Variants in OGFOD1 observed in about 807,000 individuals in gnomAD.
The protein encoded by OGFOD1 is 2-oxoglutarate and iron dependent oxygenase domain containing 1.
In OGFOD1, 54 loss-of-function variants were observed where a neutral mutation model predicts 67.7. The observed-to-expected ratio is 0.80, with a 90% confidence interval of 0.64 to 1.00. The LOEUF is 1.00. OGFOD1 is among the 50% of genes least tolerant of loss of function. The pLI is 0.00. For missense variants in OGFOD1, 606 were observed against 646.7 expected (o/e 0.94, Z 0.68); for synonymous variants, 221 against 227.0 (o/e 0.97, Z 0.24).
At chr16:56,452,193 G>T (rs1233795449) in intron 1 of OGFOD1, 1 of 161,952 alleles carries the variant, frequency 6.2e-6, no homozygotes, top group Non-Finnish European at 1.4e-5. Flanking sequence ...ATGCTTGCAG[G>T]CTTCAGTAAA....
At chr16:56,472,916 C>G (rs1473953592) in intron 10 of OGFOD1, among the ~76,000 whole-genome samples, 1 of 148,826 alleles carries the variant, frequency 6.7e-6, no homozygotes, top group African/African-American at 2.4e-5. Flanking sequence ...AGCAGTTTTG[C>G]TTTTTTTGTT....
Position 56,451,568 on chromosome 16 carries a change from G to A in OGFOD1, c.-45G>A, listed in dbSNP as rs1490685525. 1.2e-6 allele frequency: 2 copies of A among 1,606,578 alleles called. No homozygotes were observed. Among genetic ancestry groups the A allele is most frequent in the South Asian group, 2.2e-5 (2 of 90,834 alleles). On this transcript the variant is annotated 5_prime_UTR_variant, in exon 1 of 13. Coordinates refer to ENST00000566157, the MANE Select transcript of OGFOD1 (RefSeq NM_018233.4). Reference sequence around the variant, plus strand: ...CGGGAGTTGCAGTACCCTCAGGAAGGTAGCGTCTTGATCTGCGTGGCGTGG... The same window carrying A: ...CGGGAGTTGCAGTACCCTCAGGAAGATAGCGTCTTGATCTGCGTGGCGTGG...
At chr16:56,472,961 T>C (rs1165398421) in intron 10 of OGFOD1, among the ~76,000 whole-genome samples, 1 of 151,964 alleles carries the variant, frequency 6.6e-6, no homozygotes, top group Non-Finnish European at 1.5e-5. Context: ...AGACAGAGTC[T>C]CGCTCTGTTG....
chr16:56,474,535 G>T (rs1345917935), intron 10 of OGFOD1, among the ~76,000 whole-genome samples: 1 of 151,890 alleles, frequency 6.6e-6, no homozygotes, highest in African/African-American at 2.4e-5. Context: ...GGTCAGGCTG[G>T]TCTTGAACTC....
At position 56,454,931 on chromosome 16, in the gene OGFOD1, C is replaced by T. The variant is rs566863894; in HGVS notation, c.300+1523C>T. The T allele has an allele frequency of 2.3e-4, 51 of 217,664 alleles. No homozygotes were observed. In the South Asian group the frequency reaches 2.5e-3, roughly 11 times the overall value. 13.5% of individuals were successfully genotyped at this position (217,664 alleles called of 1,614,324 possible). A position where few individuals can be genotyped will look rare whatever the true frequency, so the allele number is the denominator to read the frequency against. On this transcript the variant is annotated intron_variant, in intron 2 of 12. Transcript: ENST00000566157. ...TAAACTGCTTTCCATGGTAAGGTTG[C>T]ACAGGTTAATTAAAAACCGCAGTTA...
At chr16:56,452,903 G>T (rs1417850158) in intron 1 of OGFOD1, among the ~76,000 whole-genome samples, 1 of 152,052 alleles carries the variant, frequency 6.6e-6, no homozygotes, top group African/African-American at 2.4e-5. Flanking sequence ...GACCAGTATT[G>T]CTACTCTCAT....
chr16:56,467,745 A>AGT, intron 7 of OGFOD1, among the ~76,000 whole-genome samples, 160 bp from the exon 8 acceptor site: 2 of 152,072 alleles, frequency 1.3e-5, no homozygotes, highest in Non-Finnish European at 2.9e-5. Flanking sequence ...TCTTAAGTAA[A>AGT]CTTTTGAGAG....
At chr16:56,456,670 C>T (rs1962533404) in intron 2 of OGFOD1, among the ~76,000 whole-genome samples, 1 of 152,218 alleles carries the variant, frequency 6.6e-6, no homozygotes, top group African/African-American at 2.4e-5. Context: ...CCTATTTTTA[C>T]TATACCTTTT....
chr16:56,454,658 A>C, intron 2 of OGFOD1: 1 of 345,666 alleles, frequency 2.9e-6, no homozygotes, highest in Non-Finnish European at 5.7e-6. Context: ...GGGGGGAAAA[A>C]AAAAAGAAAG....
At chr16:56,456,980 T>C (rs1421038007) in intron 2 of OGFOD1, among the ~76,000 whole-genome samples, 1 of 152,264 alleles carries the variant, frequency 6.6e-6, no homozygotes, top group Non-Finnish European at 1.5e-5. Flanking sequence ...AAGCTATCTG[T>C]GTCTCCCCGG....
Position 56,458,540 on chromosome 16 carries a change from T to C in OGFOD1, c.301-8T>C, listed in dbSNP as rs372454459. The C allele has an allele frequency of 3.1e-6, 5 of 1,612,362 alleles. No homozygotes were observed. Among genetic ancestry groups the C allele is most frequent in the African/African-American group, 1.3e-5 (1 of 74,880 alleles). On this transcript the variant is annotated splice_polypyrimidine_tract_variant and splice_region_variant and intron_variant, in intron 2 of 12. Transcript: ENST00000566157. ...AATCCCTTTTTTTTCTCTATTTTCA[T>C]GATCAAGTCTGATGATTTGAAGAAG... is the stretch of plus-strand genomic sequence containing the variant.
rs1171348695 is a variant in OGFOD1, at chr16:56,478,966, G to A, written c.*2761G>A. On this transcript the variant is annotated 3_prime_UTR_variant, in exon 13 of 13. Transcript: ENST00000566157. ...GATAGTGAAGTTTGTTTTCCTTATA[G>A]TACTTCATTTTGCATCTTGATTGCT... 1.3e-5 allele frequency: 2 copies of A among 152,158 alleles called. No homozygotes were observed. The highest frequency in any genetic ancestry group is 4.8e-5 in the African/African-American group (2 of 41,438). 9.4% of individuals were successfully genotyped at this position (152,158 alleles called of 1,614,324 possible). A position where few individuals can be genotyped will look rare whatever the true frequency, so the allele number is the denominator to read the frequency against.
In OGFOD1 at chr16:56,477,862, A is replaced by G. The variant is rs1239462073; in HGVS notation, c.*1657A>G. ...CATCTCCTAAAACTTTTGAGTATTC[A>G]TTCTTTTCTGAAGTTTGCATTTAAA... On this transcript the variant is annotated 3_prime_UTR_variant, in exon 13 of 13. Transcript: ENST00000566157. 6.6e-6 allele frequency: 1 copy of G among 152,164 alleles called. No homozygotes were observed. Among genetic ancestry groups the G allele is most frequent in the African/African-American group, 2.4e-5 (1 of 41,434 alleles). 9.4% of individuals were successfully genotyped at this position (152,164 alleles called of 1,614,324 possible).
At chr16:56,470,199 T>C in intron 9 of OGFOD1, 117 bp downstream of exon 9, 3 of 880,868 alleles carry the variant, frequency 3.4e-6, no homozygotes, top group South Asian at 1.6e-5. Flanking sequence ...TGACAGGCAG[T>C]TCATGAAAGA....
At chr16:56,451,821 A>G in intron 1 of OGFOD1, 55 bp downstream of exon 1, 1 of 1,583,514 alleles carries the variant, frequency 6.3e-7, no homozygotes, top group East Asian at 2.2e-5. Context: ...GGATCTCTGA[A>G]AAAGCCCTGG....
At chr16:56,468,695 C>T (rs1235504545) in intron 8 of OGFOD1, among the ~76,000 whole-genome samples, 2 of 150,956 alleles carry the variant, frequency 1.3e-5, no homozygotes, top group Non-Finnish European at 2.9e-5. Context: ...CATTGCACTC[C>T]AGCCTGGGTG....
At position 56,470,071 on chromosome 16, in the gene OGFOD1, CCCT is replaced by C. The variant is rs1319267697; in HGVS notation, c.970_972del (p.Pro324del). On this transcript the variant is annotated inframe_deletion, in exon 9 of 13. Coordinates refer to ENST00000566157, the MANE Select transcript of OGFOD1 (RefSeq NM_018233.4). ...ATGTGGAATGGAGCAGCCGAGGTCC[CCCT>C]AACAAAAGGTAGAACCCGTCATCTG... The C allele has an allele frequency of 6.2e-7, 1 of 1,613,878 alleles. No individual in the cohort carries two copies. Among genetic ancestry groups the C allele is most frequent in the Admixed American group, 1.7e-5 (1 of 59,988 alleles).
At chr16:56,474,102 A>AT (rs1476854111) in intron 10 of OGFOD1, among the ~76,000 whole-genome samples, 2 of 151,990 alleles carry the variant, frequency 1.3e-5, no homozygotes, top group African/African-American at 2.4e-5. Context: ...GTAATAGTTC[A>AT]TTTTTTAATT....
intron 9 of OGFOD1, 133 bp from the exon 10 acceptor site, chr16:56,470,354 T>C: frequency 1.2e-6 from 1 of 822,748 alleles, no homozygotes; most frequent in East Asian, 2.5e-5. Context: ...ATCTCACTAT[T>C]GTAATAACTT....
Sources: allele counts gnomAD v4.1 joint callset (sites outside exome capture counted in the v4.1 genomes callset), GRCh38; gene constraint gnomAD v4.1.1; transcripts MANE v1.5; gene names NCBI Gene and HGNC (gene_info 2026-07-23, HGNC 2026-07-21).